Variants in BICD1 observed in about 807,000 individuals in gnomAD.
BICD1 encodes protein bicaudal D homolog 1.
Under a neutral mutation model 92.5 loss-of-function variants are expected in BICD1, and 35 were observed. The ratio of observed to expected loss-of-function variants is 0.38; its 90% CI spans 0.29 to 0.50. The LOEUF is 0.50. BICD1 is among the 20% of genes least tolerant of loss of function. The pLI is 0.93. For synonymous variants in BICD1, 429 were observed against 465.1 expected (o/e 0.92, Z 1.00); for missense variants, 950 against 1,189.8 (o/e 0.80, Z 2.97).
intron 1 of BICD1, among the ~76,000 whole-genome samples, chr12:32,150,376 A>T (rs1462285817): frequency 6.6e-6 from 1 of 152,208 alleles, no homozygotes; most frequent in Non-Finnish European, 1.5e-5. Flanking sequence ...CTAGGCAGGG[A>T]AAAGCGTATG....
intron 1 of BICD1, among the ~76,000 whole-genome samples, chr12:32,208,632 G>T (rs1224609037): frequency 6.6e-6 from 1 of 152,068 alleles, no homozygotes; most frequent in Non-Finnish European, 1.5e-5. Flanking sequence ...TCCTGGCTGG[G>T]TACTTCTGAG....
chr12:32,234,704 C>T (rs1373805969), intron 2 of BICD1, among the ~76,000 whole-genome samples: 3 of 130,462 alleles, frequency 2.3e-5, no homozygotes, highest in Non-Finnish European at 4.7e-5. Flanking sequence ...GTTAGAGTCT[C>T]TCACTCTGTT....
rs115280297 is a variant in BICD1 at position 32,213,378 on chromosome 12, A to G, written c.214-2869A>G. On this transcript the variant is annotated intron_variant, in intron 1 of 9. Transcript: ENST00000652176. ...CTGAAGTGATGTTGTGCCCTTCCCA[A>G]TGTTTTTTGTTGTTGTTGTTTTTGT... Among the ~76,000 whole-genome samples the G allele has an allele frequency of 9.7e-3, 1,473 of 152,038 alleles. 24 individuals are homozygous for G. The highest frequency in any genetic ancestry group is 0.034 in the African/African-American group (1,409 of 41,480).
chr12:32,283,026 AG>A (rs2136172779), intron 2 of BICD1, among the ~76,000 whole-genome samples: 1 of 152,332 alleles, frequency 6.6e-6, no homozygotes, highest in East Asian at 1.9e-4. Context: ...TGTCTGCAGT[AG>A]AATGGAAGCA....
chr12:32,290,633 A>G (rs867037699), intron 2 of BICD1, among the ~76,000 whole-genome samples: 10 of 152,182 alleles, frequency 6.6e-5, no homozygotes, highest in Admixed American at 2.0e-4. Context: ...AACCCTAGAT[A>G]TCTAATTACC....
intron 2 of BICD1, among the ~76,000 whole-genome samples, chr12:32,257,505 G>T (rs1946752302): frequency 6.6e-6 from 1 of 152,050 alleles, no homozygotes; most frequent in Non-Finnish European, 1.5e-5. Flanking sequence ...GGTCAAGATG[G>T]TAGTCAACAG....
At chr12:32,121,283 A>G (rs1357456108) in intron 1 of BICD1, among the ~76,000 whole-genome samples, 1 of 135,810 alleles carries the variant, frequency 7.4e-6, no homozygotes, top group Admixed American at 8.6e-5. Flanking sequence ...TTAAAAATTC[A>G]TACCAGATCT....
At position 32,191,333 on chromosome 12, in the gene BICD1, AAGAG is replaced by A. The variant is rs141791380; in HGVS notation, c.214-24910_214-24907del. 4.3e-3 allele frequency among the ~76,000 whole-genome samples: 651 copies of A among 152,064 alleles called. 2 individuals are homozygous for A. Among genetic ancestry groups the A allele is most frequent in the African/African-American group, 0.015 (620 of 41,514 alleles). ...CTTTATCTAGCTTTACCAAGAAAAAAAGAGAGAACTCAAATAAATGAAATTATAA... is the reference window on the plus strand; with the variant it reads ...CTTTATCTAGCTTTACCAAGAAAAAAAGAACTCAAATAAATGAAATTATAA... On this transcript the variant is annotated intron_variant, in intron 1 of 9. Transcript: ENST00000652176.
chr12:32,134,901 T>C (rs1433045889), intron 1 of BICD1, among the ~76,000 whole-genome samples: 4 of 152,182 alleles, frequency 2.6e-5, no homozygotes. Flanking sequence ...AGGGAGCTGC[T>C]TTTTTCAAGA....
Position 32,107,560 on chromosome 12 carries a change from C to T in BICD1, c.213+16C>T. On this transcript the variant is annotated intron_variant, in intron 1 of 9. Transcript: ENST00000652176. ...GCTCAAAGAGGTGAGTTGCCTGTCA[C>T]CTCTCCCTTTCCTGGCCCTCACTCC... The T allele has an allele frequency of 1.3e-6, 2 of 1,563,418 alleles. No individual in the cohort carries two copies. The highest frequency in any genetic ancestry group is 1.7e-4 in the Middle Eastern group (1 of 6,006).
In BICD1 at chr12:32,142,691, A is replaced by G. The variant is rs2652018; in HGVS notation, c.213+35147A>G. The stretch of plus-strand genomic sequence containing the variant: ...TCATTAGTTTTCTAAGCCTTAAAAA[A>G]ATTTCATCATTAAGATTATTCTCTC... On this transcript the variant is annotated intron_variant, in intron 1 of 9. Transcript: ENST00000652176. 5.7e-3 allele frequency among the ~76,000 whole-genome samples: 867 copies of G among 152,266 alleles called. 6 individuals carry two copies. The highest frequency in any genetic ancestry group is 8.1e-3 in the Non-Finnish European group (548 of 68,018).
chr12:32,118,886 A>G (rs1163048000), intron 1 of BICD1, among the ~76,000 whole-genome samples: 1 of 152,256 alleles, frequency 6.6e-6, no homozygotes, highest in Non-Finnish European at 1.5e-5. Flanking sequence ...TGCTGGAGAT[A>G]CAGCGTTGAA....
intron 4 of BICD1, among the ~76,000 whole-genome samples, chr12:32,314,026 G>A (rs1948440500): frequency 6.6e-6 from 1 of 152,136 alleles, no homozygotes; most frequent in Non-Finnish European, 1.5e-5. Flanking sequence ...ACAATGTGTG[G>A]TCTTTTGTGA....
intron 2 of BICD1, among the ~76,000 whole-genome samples, chr12:32,234,755 A>G (rs1946013459): frequency 7.0e-6 from 1 of 142,436 alleles, no homozygotes; most frequent in African/African-American, 2.6e-5. Flanking sequence ...GGCTTGCTGC[A>G]ACCTCCACCT....
intron 1 of BICD1, among the ~76,000 whole-genome samples, chr12:32,147,334 A>G (rs1038480784): frequency 7.2e-5 from 11 of 152,234 alleles, no homozygotes; most frequent in African/African-American, 2.7e-4. Flanking sequence ...GAACAAGAAC[A>G]GAGAATTCTG....
At chr12:32,119,962 G>A (rs935315731) in intron 1 of BICD1, among the ~76,000 whole-genome samples, 1 of 152,144 alleles carries the variant, frequency 6.6e-6, no homozygotes, top group South Asian at 2.1e-4. Flanking sequence ...TCTACTTTCT[G>A]AAAATGAAAA....
chr12:32,357,499 C>T (rs1333249016), intron 8 of BICD1, among the ~76,000 whole-genome samples: 1 of 152,194 alleles, frequency 6.6e-6, no homozygotes, highest in Non-Finnish European at 1.5e-5. Flanking sequence ...AGAAGGAGCA[C>T]TAACTGCTTC....
At chr12:32,298,256 A>G (rs1947929084) in intron 3 of BICD1, among the ~76,000 whole-genome samples, 1 of 151,836 alleles carries the variant, frequency 6.6e-6, no homozygotes, top group Non-Finnish European at 1.5e-5. Context: ...CTCCAATGTC[A>G]GGTAATAATA....
chr12:32,347,692 A>G (rs1468428110), intron 8 of BICD1, among the ~76,000 whole-genome samples: 2 of 151,870 alleles, frequency 1.3e-5, no homozygotes, highest in African/African-American at 4.8e-5. Flanking sequence ...TACATCTCTT[A>G]TTTGTTACTA....
Sources: allele counts gnomAD v4.1 joint callset (sites outside exome capture counted in the v4.1 genomes callset), GRCh38; gene constraint gnomAD v4.1.1; transcripts MANE v1.5; gene names NCBI Gene and HGNC (gene_info 2026-07-23, HGNC 2026-07-21).